The following SNX1 variants were observed in gnomAD, a reference collection of about 807,000 sequenced individuals.
SNX1 encodes the protein sorting nexin-1.
A neutral mutation model predicts 71.8 loss-of-function variants in SNX1; 36 were observed. The observed-to-expected ratio is 0.50, with a 90% confidence interval of 0.38 to 0.66. The LOEUF (loss-of-function observed/expected upper bound fraction) is 0.66, where lower values mean the gene tolerates loss of function less well. Ranked by LOEUF, SNX1 falls within the 30% of genes least tolerant of loss-of-function variation. The pLI, the probability that SNX1 is intolerant of heterozygous loss-of-function variation, is 0.00. For synonymous variants in SNX1, 254 were observed against 240.7 expected, an observed-to-expected ratio of 1.06 and a Z score of -0.51; for missense variants, 612 against 646.7, an observed-to-expected ratio of 0.95 and a Z score of 0.58.
chr15:64,126,318 G>T, intron 6 of SNX1, 98 bp downstream of exon 6: 1 of 1,272,410 alleles, frequency 7.9e-7, no homozygotes, highest in East Asian at 2.4e-5. Flanking sequence ...TCTATTAACA[G>T]TCTTGTGGTT....
chr15:64,127,698 C>T, intron 7 of SNX1, 33 bp from the exon 8 acceptor site: 1 of 1,561,098 alleles, frequency 6.4e-7, no homozygotes. Flanking sequence ...GAGGCCAGCT[C>T]AACTAACCAG....
At chr15:64,102,638 C>A (rs2080974648) in intron 1 of SNX1, among the ~76,000 whole-genome samples, 1 of 152,022 alleles carries the variant, frequency 6.6e-6, no homozygotes, top group African/African-American at 2.4e-5. Flanking sequence ...ATTTGTCTTT[C>A]TGTGCCTGAC....
chr15:64,142,784 A>G lies in SNX1; in HGVS notation c.*5166A>G. 2.5e-6 allele frequency: 1 copy of G among 405,536 alleles called. No homozygotes were observed. Among genetic ancestry groups the G allele is most frequent in the South Asian group, 1.7e-5 (1 of 57,594 alleles). 25.1% of individuals were successfully genotyped at this position (405,536 alleles called of 1,614,324 possible). On this transcript the variant is annotated 3_prime_UTR_variant, in exon 15 of 15. Transcript: ENST00000559844. ...ATCCCAGTATTCAGTGTCAGTACTC[A>G]GTGACAAAATAAATGAGAGAAACGG...
chr15:64,109,565 A>G (rs1488305600), intron 1 of SNX1, among the ~76,000 whole-genome samples: 1 of 151,962 alleles, frequency 6.6e-6, no homozygotes, highest in Non-Finnish European at 1.5e-5. Context: ...GCTGGAGTGC[A>G]GTGGCTCGAT....
chr15:64,096,006 G>A lies in SNX1; in HGVS notation c.-8G>A, dbSNP rs1337636217. 1 of 1,595,336 alleles carries A rather than the reference G, an allele frequency of 6.3e-7. No homozygotes were observed. The highest frequency in any genetic ancestry group is 1.8e-5 in the Admixed American group (1 of 56,714). ...TGTTGTTGCGGCTTCCGCCGCGGGT[G>A]GAAGAAGATGGCGTCGGGTGGTGGT... On this transcript the variant is annotated 5_prime_UTR_variant, in exon 1 of 15. Transcript: ENST00000559844.
At position 64,130,012 on chromosome 15, in the gene SNX1, A is replaced by G; in HGVS notation, c.904A>G (p.Met302Val). Residue 302 changes from methionine to valine, a missense_variant, in exon 9 of 15, where the codon ATG (methionine) becomes GTG (valine). Physicochemically the swap from Met to Val is conservative, Grantham distance 21. Around this residue, in one of 2 missense-constraint regions of SNX1, gnomAD observed 296 missense variants for 361.9 expected, o/e 0.82. Transcript: ENST00000559844. ...TDAVSKMTIKMNESDIWFEEK... is the reference protein window; with the variant it reads ...TDAVSKMTIKVNESDIWFEEK... ...TGCCGTCAGCAAAATGACCATCAAG[A>G]TGAATGAATCAGACATTGTGAGTAG... The G allele has an allele frequency of 6.2e-7, 1 of 1,613,658 alleles. No individual in the cohort carries two copies. Among genetic ancestry groups the G allele is most frequent in the Non-Finnish European group, 8.5e-7 (1 of 1,179,554 alleles).
chr15:64,108,562 TA>T (rs2081046300), intron 1 of SNX1, among the ~76,000 whole-genome samples: 1 of 152,212 alleles, frequency 6.6e-6, no homozygotes, highest in Non-Finnish European at 1.5e-5. Flanking sequence ...TCAGTTTTTT[TA>T]AAAATCTGAT....
chr15:64,126,295 A>G (rs1234658494), intron 6 of SNX1, 75 bp downstream of exon 6: 4 of 1,420,694 alleles, frequency 2.8e-6, no homozygotes. Flanking sequence ...ACTGTTCAGT[A>G]TATGAGACTA....
Position 64,138,388 on chromosome 15 carries a change from C to A in SNX1, c.*770C>A. 1 of 535,492 alleles carries A rather than the reference C, an allele frequency of 1.9e-6. No individual in the cohort carries two copies. The allele number at this position is 535,492 out of a possible 1,614,324, so 33.2% of individuals were successfully genotyped here. On this transcript the variant is annotated 3_prime_UTR_variant, in exon 15 of 15. Transcript: ENST00000559844. ...GAGCCTTTCTCTTTTATTCTTCCTG[C>A]TTCCCTAAGCTGCTCAGGGTTCTCT... is the stretch of plus-strand genomic sequence containing the variant.
At chr15:64,136,741 G>C in intron 13 of SNX1, 120 bp from the exon 14 acceptor site, 1 of 726,722 alleles carries the variant, frequency 1.4e-6, no homozygotes, top group South Asian at 1.8e-5. Flanking sequence ...AATTACAGCT[G>C]TTCCACCTGC....
Position 64,105,803 on chromosome 15 carries a change from C to T in SNX1, c.160-6770C>T, listed in dbSNP as rs75870514. On this transcript the variant is annotated intron_variant, in intron 1 of 14. Coordinates refer to ENST00000559844, the MANE Select transcript of SNX1 (RefSeq NM_003099.5). ...CTTGCACATGATTTTCCTTAACTAG[C>T]TCAGTGGTCAGCTTCATGCTATTTT... 6.4e-3 allele frequency among the ~76,000 whole-genome samples: 980 copies of T among 152,252 alleles called. 9 individuals carry two copies. Among genetic ancestry groups the T allele is most frequent in the African/African-American group, 0.023 (948 of 41,526 alleles).
chr15:64,129,053 C>T lies in SNX1; in HGVS notation c.808-863C>T, dbSNP rs899393878. On this transcript the variant is annotated intron_variant, in intron 8 of 14. Transcript: ENST00000559844. This position sits in a 1 kb window ranked among gnomAD's most constrained non-coding sequence, Gnocchi z 4.4. ...CCTGAGGTCAGGAGTTCGAGACCAG[C>T]CTGGCCAACATGGCAAAATCCTGTC... 6.6e-6 allele frequency among the ~76,000 whole-genome samples: 1 copy of T among 152,136 alleles called. No homozygotes were observed. The highest frequency in any genetic ancestry group is 2.4e-5 in the African/African-American group (1 of 41,398).
intron 4 of SNX1, among the ~76,000 whole-genome samples, chr15:64,120,968 C>A: frequency 6.6e-6 from 1 of 152,056 alleles, no homozygotes; most frequent in African/African-American, 2.4e-5. Context: ...AATTGAGGAC[C>A]AAAAAGGAAG....
In SNX1 at chr15:64,137,828, C is replaced by CTAA; in HGVS notation, c.*211_*212insAAT. On this transcript the variant is annotated 3_prime_UTR_variant, in exon 15 of 15. Coordinates refer to ENST00000559844, the MANE Select transcript of SNX1 (RefSeq NM_003099.5). ...TCTTACCTAAGAGAATAGTTTCCTGCTTTAAGCAAAAGACCTACAATAGGT... is the reference window on the plus strand; with the variant it reads ...TCTTACCTAAGAGAATAGTTTCCTGCTAATTTAAGCAAAAGACCTACAATAGGT... 1 of 1,416,480 alleles carries CTAA rather than the reference C, an allele frequency of 7.1e-7. No homozygotes were observed. The highest frequency in any genetic ancestry group is 9.2e-7 in the Non-Finnish European group (1 of 1,087,884). The allele number at this position is 1,416,480 out of a possible 1,614,324, so 87.7% of individuals were successfully genotyped here. A position where few individuals can be genotyped will look rare whatever the true frequency, so the allele number is the denominator to read the frequency against.
At chr15:64,131,938 T>C (rs901028445) in intron 11 of SNX1, 46 bp downstream of exon 11, 2 of 1,596,776 alleles carry the variant, frequency 1.3e-6, no homozygotes, top group Non-Finnish European at 1.7e-6. Flanking sequence ...ATTTGATTTG[T>C]TTTTCCTTTG....
At position 64,104,784 on chromosome 15, in the gene SNX1, C is replaced by T. The variant is rs1467984848; in HGVS notation, c.160-7789C>T. 2.6e-5 allele frequency among the ~76,000 whole-genome samples: 4 copies of T among 151,420 alleles called. No homozygotes were observed. In the East Asian group the frequency reaches 7.9e-4, roughly 30 times the overall value. On this transcript the variant is annotated intron_variant, in intron 1 of 14. Transcript: ENST00000559844. ...TCTGTAATCCCAGCTACTTGGGACGCTGAGACAGGAGAATCACTTGAACCC... is the reference window on the plus strand; with the variant it reads ...TCTGTAATCCCAGCTACTTGGGACGTTGAGACAGGAGAATCACTTGAACCC...
intron 1 of SNX1, among the ~76,000 whole-genome samples, chr15:64,101,663 T>A (rs892057345): frequency 1.3e-5 from 2 of 152,184 alleles, no homozygotes; most frequent in Admixed American, 6.5e-5. Flanking sequence ...CTATTTTCAA[T>A]TGTTTGAAGA....
At chr15:64,117,150 T>C (rs2081137706) in intron 2 of SNX1, among the ~76,000 whole-genome samples, 1 of 152,242 alleles carries the variant, frequency 6.6e-6, no homozygotes, top group South Asian at 2.1e-4. Flanking sequence ...TTCTAGCTTA[T>C]AGCTTTCCTG....
At chr15:64,096,907 T>C (rs2080908510) in intron 1 of SNX1, among the ~76,000 whole-genome samples, 1 of 152,242 alleles carries the variant, frequency 6.6e-6, no homozygotes, top group Non-Finnish European at 1.5e-5. Context: ...TCGAGGTTCT[T>C]GGCATTTTGA....
Sources: allele counts gnomAD v4.1 joint callset (sites outside exome capture counted in the v4.1 genomes callset), GRCh38; gene constraint gnomAD v4.1.1; regional missense constraint gnomAD v4.1.1; non-coding constraint Gnocchi (gnomAD v3.1); transcripts MANE v1.5; gene names NCBI Gene and HGNC (gene_info 2026-07-23, HGNC 2026-07-21).